PCSK6: variants seen among roughly 807,000 people sequenced by gnomAD.
PCSK6 encodes paired basic amino acid cleaving enzyme 4.
In PCSK6, 85 loss-of-function variants were observed where a neutral mutation model predicts 123.3. The observed-to-expected ratio is 0.69, with a 90% confidence interval of 0.58 to 0.83. The LOEUF is 0.83. Among genes scored for constraint, PCSK6 ranks in the 40% least tolerant of loss-of-function variants. PCSK6 has a pLI of 0.00. For missense variants in PCSK6, 1,191 were observed against 1,282.3 expected (o/e 0.93, Z 1.09); for synonymous variants, 508 against 516.0 (o/e 0.98, Z 0.21).
At chr15:101,404,116 G>A (rs1360538467) in intron 6 of PCSK6, among the ~76,000 whole-genome samples, 2 of 152,146 alleles carry the variant, frequency 1.3e-5, no homozygotes, top group Admixed American at 1.3e-4. Flanking sequence ...TGTATGCCTG[G>A]TCTTCTCACT....
intron 10 of PCSK6, among the ~76,000 whole-genome samples, chr15:101,383,146 C>T (rs1317292822): frequency 1.3e-5 from 2 of 151,966 alleles, no homozygotes; most frequent in Non-Finnish European, 2.9e-5. Flanking sequence ...CAGTGGCTCA[C>T]ACCTGTAATC....
At chr15:101,317,093 G>A (rs2040009892) in intron 19 of PCSK6, among the ~76,000 whole-genome samples, 1 of 152,048 alleles carries the variant, frequency 6.6e-6, no homozygotes, top group Non-Finnish European at 1.5e-5. Flanking sequence ...TGTATTTTTA[G>A]TAGAGATGGG....
intron 6 of PCSK6, among the ~76,000 whole-genome samples, chr15:101,426,871 T>C (rs1204662545): frequency 2.6e-5 from 4 of 151,296 alleles, no homozygotes; most frequent in Admixed American, 6.6e-5. Flanking sequence ...AGTGGCAGGA[T>C]GGCAGTGCCC....
rs76567297 is a variant in PCSK6 at position 101,424,753 on chromosome 15, T to C, written c.823+3139A>G. Among the ~76,000 whole-genome samples, 268 of 152,344 alleles carry C rather than the reference T, an allele frequency of 1.8e-3. 1 individual carries two copies. The highest frequency in any genetic ancestry group is 5.7e-3 in the African/African-American group (239 of 41,590). ...ACAACAGCACAAACAATGACAGTGATGGTGAATGGAAACAATCTTAGATTT... is the reference window on the plus strand; with the variant it reads ...ACAACAGCACAAACAATGACAGTGACGGTGAATGGAAACAATCTTAGATTT... On this transcript the variant is annotated intron_variant, in intron 6 of 21. Transcript: ENST00000611716.
At chr15:101,346,427 CAAAA>C (rs1471316105) in intron 13 of PCSK6, 2 of 157,788 alleles carry the variant, frequency 1.3e-5, no homozygotes, top group Admixed American at 6.5e-5. Context: ...ATGCAAGTAA[CAAAA>C]AGAAAGAACA....
intron 11 of PCSK6, among the ~76,000 whole-genome samples, chr15:101,376,343 AAGC>A (rs1482563148): frequency 6.6e-6 from 1 of 152,184 alleles, no homozygotes; most frequent in Non-Finnish European, 1.5e-5. Context: ...CAGCATGAGA[AAGC>A]AGAGACCTGC....
At chr15:101,336,686 T>C (rs952710797) in intron 13 of PCSK6, 3 of 152,246 alleles carry the variant, frequency 2.0e-5, no homozygotes, top group African/African-American at 7.2e-5. Flanking sequence ...TAGAAGCAGA[T>C]CTTAGCTGCA....
At chr15:101,416,511 T>C (rs2055892511) in intron 6 of PCSK6, among the ~76,000 whole-genome samples, 1 of 152,172 alleles carries the variant, frequency 6.6e-6, no homozygotes, top group Non-Finnish European at 1.5e-5. Context: ...GCTGCAGAAA[T>C]CTGCATAAGT....
intron 1 of PCSK6, among the ~76,000 whole-genome samples, chr15:101,447,200 G>A (rs2056914540): frequency 6.6e-6 from 1 of 152,148 alleles, no homozygotes; most frequent in East Asian, 1.9e-4. Context: ...CCCCTCCCCA[G>A]TGAGGGAGGC....
Position 101,398,403 on chromosome 15 carries a change from C to T in PCSK6, c.996+1G>A. The T allele has an allele frequency of 3.1e-6, 5 of 1,606,506 alleles. No individual in the cohort carries two copies. Among genetic ancestry groups the T allele is most frequent in the Non-Finnish European group, 4.3e-6 (5 of 1,174,334 alleles). The stretch of plus-strand genomic sequence containing the variant: ...TCCCCTGTAGCCCTGGTTACTCACA[C>T]CTTTTTAATGCCATACTCGAAAGCC... On this transcript the variant is annotated splice_donor_variant, in intron 7 of 21. Transcript: ENST00000611716. LOFTEE classifies it high-confidence loss of function. The surrounding 1 kb of genome is among the most constrained non-coding windows in gnomAD (Gnocchi z 4.6).
chr15:101,313,157 G>A, intron 20 of PCSK6: 2 of 1,484,280 alleles, frequency 1.3e-6, no homozygotes, highest in South Asian at 1.3e-5. Flanking sequence ...TTATCCCGCT[G>A]CTGCACGGTG....
At chr15:101,319,283 G>A (rs1369780296) in intron 18 of PCSK6, among the ~76,000 whole-genome samples, 1 of 152,160 alleles carries the variant, frequency 6.6e-6, no homozygotes, top group Non-Finnish European at 1.5e-5. Context: ...TACAGTCTGT[G>A]ACGTACATGT....
chr15:101,463,696 T>A (rs1259762049), intron 1 of PCSK6, among the ~76,000 whole-genome samples: 2 of 152,148 alleles, frequency 1.3e-5, no homozygotes, highest in Admixed American at 1.3e-4. Flanking sequence ...TGAATAAGGA[T>A]AATCCACAGC....
chr15:101,463,317 C>T (rs972398480), intron 1 of PCSK6, among the ~76,000 whole-genome samples: 5 of 152,108 alleles, frequency 3.3e-5, no homozygotes, highest in Admixed American at 2.0e-4. Flanking sequence ...TCTGGCTGGC[C>T]GTGTTTCTCC....
At chr15:101,320,086 TATTA>T (rs1298433554) in intron 18 of PCSK6, among the ~76,000 whole-genome samples, 7 of 151,990 alleles carry the variant, frequency 4.6e-5, no homozygotes, top group Admixed American at 3.3e-4. Context: ...TTTATTTATT[TATTA>T]TTTATTTATT....
At chr15:101,347,381 T>C (rs1596210486) in intron 13 of PCSK6, 3 of 1,236,838 alleles carry the variant, frequency 2.4e-6, no homozygotes, top group Non-Finnish European at 3.0e-6. Flanking sequence ...AAAGGGCCAC[T>C]GAAAGGAAAT....
At chr15:101,480,234 G>C (rs2057840011) in intron 1 of PCSK6, among the ~76,000 whole-genome samples, 1 of 152,246 alleles carries the variant, frequency 6.6e-6, no homozygotes, top group Non-Finnish European at 1.5e-5. Context: ...ATGCTGGCCG[G>C]TGGCAGAAAT....
intron 8 of PCSK6, among the ~76,000 whole-genome samples, chr15:101,390,940 G>A (rs914434188): frequency 7.1e-6 from 1 of 141,304 alleles, no homozygotes; most frequent in Non-Finnish European, 1.6e-5. Flanking sequence ...TCCAGTAGCC[G>A]ATTTGCCTAA....
intron 1 of PCSK6, among the ~76,000 whole-genome samples, chr15:101,465,836 G>T (rs1378127319): frequency 1.3e-5 from 2 of 152,028 alleles, no homozygotes; most frequent in East Asian, 3.8e-4. Flanking sequence ...AAGTATAATC[G>T]ACACATTAAG....
Sources: gnomAD v4.1 joint callset for allele counts (sites outside exome capture counted in the v4.1 genomes callset) on GRCh38, gnomAD v4.1.1 for gene constraint, Gnocchi (gnomAD v3.1) non-coding constraint, MANE v1.5 for transcripts, NCBI Gene and HGNC (gene_info 2026-07-23, HGNC 2026-07-21) for gene names.